IQSEC1: variants seen among roughly 807,000 people sequenced by gnomAD.
IQSEC1 encodes the protein IQ motif and Sec7 domain ArfGEF 1.
In IQSEC1, 31 loss-of-function variants were observed where a neutral mutation model predicts 91.0. That is an observed-to-expected ratio of 0.34 (90% CI 0.26 to 0.46). The LOEUF is 0.46. IQSEC1 is among the 20% of genes least tolerant of loss of function. IQSEC1 has a pLI of 1.00. For synonymous variants in IQSEC1, 699 were observed against 662.6 expected, an observed-to-expected ratio of 1.05 and a Z score of -0.84; for missense variants, 1,388 against 1,575.6, an observed-to-expected ratio of 0.88 and a Z score of 2.02.
rs182691917 is a variant in IQSEC1 at position 12,899,293 on chromosome 3, C to T, written c.*1690G>A. The T allele has an allele frequency of 2.8e-3, 3,856 of 1,373,536 alleles. 26 individuals carry two copies. Among genetic ancestry groups the T allele is most frequent in the South Asian group, 9.0e-3 (721 of 80,546 alleles). The allele number at this position is 1,373,536 out of a possible 1,614,324, so 85.1% of individuals were successfully genotyped here. A position where few individuals can be genotyped will look rare whatever the true frequency, so the allele number is the denominator to read the frequency against. ...CTCACCACGCTGTCCACTGGGAACGCGGCCCCGCGGCCCGCAGAGTCAGGC... is the reference window on the plus strand; with the variant it reads ...CTCACCACGCTGTCCACTGGGAACGTGGCCCCGCGGCCCGCAGAGTCAGGC... On this transcript the variant is annotated 3_prime_UTR_variant, in exon 14 of 14. Transcript: ENST00000613206.
intron 2 of IQSEC1, among the ~76,000 whole-genome samples, chr3:13,149,966 C>T (rs1023566932): frequency 6.6e-6 from 1 of 152,208 alleles, no homozygotes; most frequent in Non-Finnish European, 1.5e-5. Context: ...GGGTGACAAA[C>T]AGTCCCTAGG....
At chr3:13,242,391 C>T (rs1480739831) in intron 1 of IQSEC1, among the ~76,000 whole-genome samples, 1 of 152,190 alleles carries the variant, frequency 6.6e-6, no homozygotes, top group Non-Finnish European at 1.5e-5. Flanking sequence ...CTACACTTGA[C>T]CTCACAGTAC....
chr3:13,275,985 G>A (rs1366088166), intron 1 of IQSEC1, among the ~76,000 whole-genome samples: 1 of 151,978 alleles, frequency 6.6e-6, no homozygotes, highest in Non-Finnish European at 1.5e-5. Flanking sequence ...AATCCAGGGG[G>A]ACAGTGTTCT....
chr3:13,018,845 C>T (rs1703264539), intron 1 of IQSEC1, among the ~76,000 whole-genome samples: 1 of 152,218 alleles, frequency 6.6e-6, no homozygotes, highest in South Asian at 2.1e-4. Context: ...CAGAACGTCT[C>T]TAAGAGTCAC....
intron 1 of IQSEC1, among the ~76,000 whole-genome samples, chr3:13,254,283 G>C (rs957024499): frequency 5.3e-5 from 8 of 152,228 alleles, no homozygotes; most frequent in African/African-American, 1.9e-4. Context: ...CCCTGGGGAC[G>C]CACTGGGGTC....
intron 2 of IQSEC1, among the ~76,000 whole-genome samples, chr3:13,161,277 T>G (rs1707170362): frequency 6.6e-6 from 1 of 151,806 alleles, no homozygotes; most frequent in African/African-American, 2.4e-5. Flanking sequence ...CCACAGTGTG[T>G]CAGCCCAGGG....
At chr3:12,949,202 G>A (rs552587152) in intron 1 of IQSEC1, among the ~76,000 whole-genome samples, 2 of 152,328 alleles carry the variant, frequency 1.3e-5, no homozygotes, top group African/African-American at 2.4e-5. Context: ...CTGCTCAGGG[G>A]AAAAGCATGC....
chr3:13,210,636 A>G (rs779396342), intron 1 of IQSEC1, among the ~76,000 whole-genome samples: 58 of 152,322 alleles, frequency 3.8e-4, no homozygotes, highest in Admixed American at 5.9e-4. Context: ...GCAGGCAGAC[A>G]CATGCCACAG....
rs1394710916 is a variant in IQSEC1, at chr3:12,994,894, G to A, written c.24-53029C>T. ...CACAATCGGAAGGGAGCCCAAAGAC[G>A]GGGAAGAAGTGGCGCAGATAGCAGA... On this transcript the variant is annotated intron_variant, in intron 1 of 13. Coordinates refer to ENST00000613206, the MANE Select transcript of IQSEC1 (RefSeq NM_001134382.3). This position sits in a 1 kb window ranked among gnomAD's most constrained non-coding sequence, Gnocchi z 4.5. 1.3e-5 allele frequency: 2 copies of A among 152,776 alleles called. No individual in the cohort carries two copies. The highest frequency in any genetic ancestry group is 2.9e-5 in the Non-Finnish European group (2 of 68,450). 9.5% of individuals were successfully genotyped at this position (152,776 alleles called of 1,614,324 possible). A position where few individuals can be genotyped will look rare whatever the true frequency, so the allele number is the denominator to read the frequency against.
intron 1 of IQSEC1, among the ~76,000 whole-genome samples, chr3:12,950,251 T>C (rs1239548455): frequency 6.6e-6 from 1 of 152,240 alleles, no homozygotes; most frequent in Non-Finnish European, 1.5e-5. Flanking sequence ...GTCATTCTTC[T>C]AGTCCTTCCC....
Position 12,924,657 on chromosome 3 carries a change from G to A in IQSEC1, c.1654C>T (p.Arg552Cys), listed in dbSNP as rs1696954338. 5.0e-6 allele frequency: 8 copies of A among 1,610,882 alleles called. No individual in the cohort carries two copies. The highest frequency in any genetic ancestry group is 1.1e-5 in the South Asian group (1 of 90,532). ...PVGVAHFLLQ[R>C]KGLSRQMIGE... ...ATCATCTGCCGGCTGAGGCCCTTGC[G>A]CTGCAGCAGGAAGTGGGCCACCCCG... Residue 552 changes from arginine (R) to cysteine (C), a missense_variant, in exon 4 of 14, where the codon CGC (arginine) becomes TGC (cysteine). Transcript: ENST00000613206. This position sits in a 1 kb window ranked among gnomAD's most constrained non-coding sequence, Gnocchi z 6.3.
chr3:13,216,199 C>T (rs1694544728), intron 1 of IQSEC1, among the ~76,000 whole-genome samples: 1 of 152,232 alleles, frequency 6.6e-6, no homozygotes, highest in East Asian at 1.9e-4. Context: ...ACCAATTGCT[C>T]AACGGTAGGA....
chr3:13,167,001 G>T (rs1210249567), intron 1 of IQSEC1, among the ~76,000 whole-genome samples: 1 of 152,256 alleles, frequency 6.6e-6, no homozygotes, highest in Admixed American at 6.5e-5. Context: ...CCGGGGTGGA[G>T]GATGCCTGTG....
In IQSEC1 at chr3:12,924,846, C is replaced by T. The variant is rs1696973030; in HGVS notation, c.1569-104G>A. The T allele has an allele frequency of 3.7e-6, 4 of 1,068,830 alleles. No individual in the cohort carries two copies. The highest frequency in any genetic ancestry group is 2.7e-6 in the Non-Finnish European group (2 of 752,296). 66.2% of individuals were successfully genotyped at this position (1,068,830 alleles called of 1,614,324 possible). On this transcript the variant is annotated intron_variant, in intron 3 of 13. Transcript: ENST00000613206. This position sits in a 1 kb window ranked among gnomAD's most constrained non-coding sequence, Gnocchi z 6.3. ...GGACGGTCGACATTCTCCCTCCCTG[C>T]CCACCTGCACCGGCCTTCATCCCTG...
At chr3:13,267,007 T>C (rs2125138288) in intron 1 of IQSEC1, among the ~76,000 whole-genome samples, 1 of 151,574 alleles carries the variant, frequency 6.6e-6, no homozygotes, top group South Asian at 2.1e-4. Flanking sequence ...TGGACCTTGC[T>C]GTGGTCTGAA....
intron 2 of IQSEC1, among the ~76,000 whole-genome samples, chr3:13,130,561 C>T (rs2124915197): frequency 6.6e-6 from 1 of 152,174 alleles, no homozygotes; most frequent in Admixed American, 6.5e-5. Flanking sequence ...GAGTGTTAAT[C>T]AGGTTAAGTT....
Position 12,920,414 on chromosome 3 carries a change from G to A in IQSEC1, c.2020+16C>T, listed in dbSNP as rs778259951. On this transcript the variant is annotated intron_variant, in intron 6 of 13. Transcript: ENST00000613206. Reference sequence around the variant, plus strand: ...GGAGCAAATCTGTGGCTGGCCGACCGCCTGAGACAGCTCACCTCGGAGGTT... The same window carrying A: ...GGAGCAAATCTGTGGCTGGCCGACCACCTGAGACAGCTCACCTCGGAGGTT... The A allele has an allele frequency of 1.2e-5, 19 of 1,611,210 alleles. No individual in the cohort carries two copies. The highest frequency in any genetic ancestry group is 6.7e-5 in the African/African-American group (5 of 74,896).
At position 12,915,687 on chromosome 3, in the gene IQSEC1, G is replaced by A; in HGVS notation, c.2067C>T (p.Ile689=). 6.2e-7 allele frequency: 1 copy of A among 1,614,130 alleles called. No individual in the cohort carries two copies. The highest frequency in any genetic ancestry group is 8.5e-7 in the Non-Finnish European group (1 of 1,180,000). The change falls in exon 7 of 14, where the codon ATC becomes ATT. Residue 689 remains isoleucine (I), a synonymous_variant. Transcript: ENST00000613206. The part of the protein sequence containing the change: ...EDIPREMLMG[I]YERIRKRELK... ...GCTCTCGCTTACGGATCCGTTCATA[G>A]ATCCCCATCAGCATCTCACGGGGAA...
Position 12,901,583 on chromosome 3 carries a change from A to T in IQSEC1, c.2806-61T>A, listed in dbSNP as rs966003739. The T allele has an allele frequency of 1.6e-4, 199 of 1,208,126 alleles. 5 individuals carry two copies. The South Asian group carries it at 2.5e-3, about 15-fold the overall frequency. 74.8% of individuals were successfully genotyped at this position (1,208,126 alleles called of 1,614,324 possible). A position where few individuals can be genotyped will look rare whatever the true frequency, so the allele number is the denominator to read the frequency against. On this transcript the variant is annotated intron_variant, in intron 13 of 13. Transcript: ENST00000613206. ...ATCTTCAAGCACTTAGGTCAGAATG[A>T]TTTTTTTTTTTCAAATGTAAAAATT...
Sources: allele counts gnomAD v4.1 joint callset (sites outside exome capture counted in the v4.1 genomes callset), GRCh38; gene constraint gnomAD v4.1.1; non-coding constraint Gnocchi (gnomAD v3.1); transcripts MANE v1.5; gene names NCBI Gene and HGNC (gene_info 2026-07-23, HGNC 2026-07-21).